Variants in ROBO2 observed in about 807,000 individuals in gnomAD.
ROBO2 encodes roundabout homolog 2.
ROBO2 carries 53 observed loss-of-function variants against 160.8 expected under a neutral mutation model. That is an observed-to-expected ratio of 0.33 (90% CI 0.26 to 0.41). ROBO2 has a LOEUF of 0.41. Among genes scored for constraint, ROBO2 ranks in the 10% least tolerant of loss-of-function variants. The probability of loss-of-function intolerance (pLI) is 1.00; values close to 1 mark genes in which losing one functional copy is unlikely to be tolerated. For missense variants in ROBO2, 1,577 were observed against 1,722.4 expected, an observed-to-expected ratio of 0.92 and a Z score of 1.49; for synonymous variants, 664 against 611.7, an observed-to-expected ratio of 1.09 and a Z score of -1.26.
chr3:76,557,377 T>A (rs2108448265), intron 2 of ROBO2, among the ~76,000 whole-genome samples: 1 of 152,164 alleles, frequency 6.6e-6, no homozygotes, highest in South Asian at 2.1e-4. Flanking sequence ...TATAAGCAAT[T>A]AAATATTATC....
At chr3:76,148,652 G>A (rs1471826175) in intron 2 of ROBO2, among the ~76,000 whole-genome samples, 1 of 152,010 alleles carries the variant, frequency 6.6e-6, no homozygotes, top group Non-Finnish European at 1.5e-5. Flanking sequence ...TTGATTCTCA[G>A]CCTGTATTTG....
intron 2 of ROBO2, among the ~76,000 whole-genome samples, chr3:76,800,799 C>A (rs184529310): frequency 6.6e-6 from 1 of 151,960 alleles, no homozygotes; most frequent in Non-Finnish European, 1.5e-5. Flanking sequence ...ACAGCCACTG[C>A]GGAGAACAGT....
intron 2 of ROBO2, among the ~76,000 whole-genome samples, chr3:76,287,113 C>T (rs189498089): frequency 6.6e-6 from 1 of 152,098 alleles, no homozygotes; most frequent in Admixed American, 6.5e-5. Flanking sequence ...TTAACTGTGC[C>T]ATCAACTAAT....
At chr3:76,824,953 C>A (rs2066434656) in intron 2 of ROBO2, among the ~76,000 whole-genome samples, 1 of 152,172 alleles carries the variant, frequency 6.6e-6, no homozygotes, top group Non-Finnish European at 1.5e-5. Context: ...CCCAATAAAA[C>A]CTGCTGGGAA....
intron 2 of ROBO2, among the ~76,000 whole-genome samples, chr3:77,005,638 G>A (rs1032532915): frequency 6.6e-6 from 1 of 152,124 alleles, no homozygotes; most frequent in South Asian, 2.1e-4. Context: ...TGATATAAAC[G>A]ACAGTAGAAG....
intron 2 of ROBO2, among the ~76,000 whole-genome samples, chr3:76,770,013 A>G (rs947656072): frequency 2.6e-5 from 4 of 151,454 alleles, no homozygotes; most frequent in Non-Finnish European, 5.9e-5. Flanking sequence ...TGTATTTTTC[A>G]CTTTGTGTCA....
intron 2 of ROBO2, among the ~76,000 whole-genome samples, chr3:76,870,809 A>G (rs1015389626): frequency 2.6e-5 from 4 of 152,072 alleles, no homozygotes; most frequent in African/African-American, 9.7e-5. Flanking sequence ...AAACATTAAA[A>G]AAAAACACTC....
chr3:77,090,752 C>A lies in ROBO2; in HGVS notation c.62-7262C>A, dbSNP rs552585443. ...ACCTGTGTTCTTTATTTGTACCACA[C>A]TGCCTCCTTCCTATTGCGATGTGTC... is the stretch of plus-strand genomic sequence containing the variant. On this transcript the variant is annotated intron_variant, in intron 1 of 25. Transcript: ENST00000461745. 1.5e-4 allele frequency among the ~76,000 whole-genome samples: 23 copies of A among 152,258 alleles called. No individual in the cohort carries two copies. In the South Asian group the frequency reaches 4.8e-3, roughly 32 times the overall value.
chr3:77,557,472 G>A (rs1201221781), intron 8 of ROBO2, among the ~76,000 whole-genome samples: 4 of 151,782 alleles, frequency 2.6e-5, no homozygotes, highest in Non-Finnish European at 4.4e-5. Context: ...CCATAAGGGG[G>A]AAATTATGTA....
chr3:75,928,716 C>T (rs1387302264), intron 1 of ROBO2, among the ~76,000 whole-genome samples: 42 of 152,202 alleles, frequency 2.8e-4, no homozygotes, highest in Non-Finnish European at 5.1e-4. Flanking sequence ...GATTATAGAA[C>T]GATCTATGTA....
chr3:76,197,889 C>G (rs946990526), intron 2 of ROBO2, among the ~76,000 whole-genome samples: 2 of 152,200 alleles, frequency 1.3e-5, no homozygotes, highest in Admixed American at 1.3e-4. Flanking sequence ...CTTAAATCCT[C>G]TGAGAACAAT....
At chr3:76,926,659 G>A (rs1388082881) in intron 2 of ROBO2, among the ~76,000 whole-genome samples, 2 of 152,180 alleles carry the variant, frequency 1.3e-5, no homozygotes, top group Non-Finnish European at 2.9e-5. Context: ...GGGAGAGAGA[G>A]AATCTAGGTA....
intron 1 of ROBO2, among the ~76,000 whole-genome samples, chr3:77,075,891 T>C (rs1219691490): frequency 2.0e-5 from 3 of 151,742 alleles, no homozygotes; most frequent in African/African-American, 7.3e-5. Context: ...TTGGCCAAGG[T>C]GGTTTCAAAC....
intron 2 of ROBO2, among the ~76,000 whole-genome samples, chr3:76,219,579 C>T (rs1033366052): frequency 1.3e-5 from 2 of 152,164 alleles, no homozygotes; most frequent in Non-Finnish European, 2.9e-5. Flanking sequence ...GAAAAAAATG[C>T]TCATCTTCAC....
chr3:76,622,298 GAAA>G (rs2089265921), intron 2 of ROBO2, among the ~76,000 whole-genome samples: 1 of 124,760 alleles, frequency 8.0e-6, no homozygotes, highest in African/African-American at 3.1e-5. Flanking sequence ...AAGAAAGAAA[GAAA>G]GAAAGAAAGA....
intron 2 of ROBO2, among the ~76,000 whole-genome samples, chr3:76,260,520 ATCATT>A (rs1706677424): frequency 6.6e-6 from 1 of 152,106 alleles, no homozygotes; most frequent in South Asian, 2.1e-4. Flanking sequence ...TCATTTCAAG[ATCATT>A]TCATTTGATC....
intron 2 of ROBO2, among the ~76,000 whole-genome samples, chr3:77,243,029 A>G (rs560818845): frequency 6.6e-6 from 1 of 151,788 alleles, no homozygotes; most frequent in African/African-American, 2.4e-5. Flanking sequence ...GAAAAGACAG[A>G]CAATGAAAAT....
At chr3:76,322,674 A>C (rs2072666392) in intron 2 of ROBO2, among the ~76,000 whole-genome samples, 1 of 152,182 alleles carries the variant, frequency 6.6e-6, no homozygotes, top group Non-Finnish European at 1.5e-5. Flanking sequence ...ACCGGAAGTC[A>C]GTTTTTCTTG....
At chr3:77,565,784 G>T (rs1455286719) in intron 12 of ROBO2, among the ~76,000 whole-genome samples, 1 of 151,962 alleles carries the variant, frequency 6.6e-6, no homozygotes, top group Non-Finnish European at 1.5e-5. Flanking sequence ...CAATTCTTTC[G>T]ACTATAATGT....
Sources: gnomAD v4.1 joint callset for allele counts (sites outside exome capture counted in the v4.1 genomes callset) on GRCh38, gnomAD v4.1.1 for gene constraint, MANE v1.5 for transcripts, NCBI Gene and HGNC (gene_info 2026-07-23, HGNC 2026-07-21) for gene names.